Variants in SLC8A1 observed in about 807,000 individuals in gnomAD.
SLC8A1 encodes sodium/calcium exchanger 1.
Under a neutral mutation model 68.3 loss-of-function variants are expected in SLC8A1, and 18 were observed. That is an observed-to-expected ratio of 0.26 (90% CI 0.18 to 0.39). SLC8A1 has a LOEUF of 0.39. SLC8A1 is among the 10% of genes least tolerant of loss of function. SLC8A1 has a pLI of 1.00. For synonymous variants in SLC8A1, 475 were observed against 415.5 expected, an observed-to-expected ratio of 1.14 and a Z score of -1.74; for missense variants, 985 against 1,156.7, an observed-to-expected ratio of 0.85 and a Z score of 2.15.
Position 40,128,984 on chromosome 2 carries a change from T to A in SLC8A1, c.2437+10417A>T, listed in dbSNP as rs73927118. 3.3e-3 allele frequency among the ~76,000 whole-genome samples: 509 copies of A among 152,046 alleles called. 3 individuals carry two copies. The highest frequency in any genetic ancestry group is 0.011 in the African/African-American group (473 of 41,462). Reference sequence around the variant, plus strand: ...ATCAGTGGTTGCCTGGGGCAGAGGGTGGAGATGAGGATTATCTGTAAATGG... The same window carrying A: ...ATCAGTGGTTGCCTGGGGCAGAGGGAGGAGATGAGGATTATCTGTAAATGG... On this transcript the variant is annotated intron_variant, in intron 7 of 7. Coordinates refer to ENST00000406785, the Ensembl canonical transcript of SLC8A1.
chr2:40,332,718 G>T lies in SLC8A1; in HGVS notation c.1808+95755C>A, dbSNP rs564630702. On this transcript the variant is annotated intron_variant, in intron 2 of 7. Coordinates refer to ENST00000406785, the Ensembl canonical transcript of SLC8A1. ...TGTCAAACCTGTTTAAAAATCCTGT[G>T]AAGTGAGTTTATAATCCCTGACTAC... Among the ~76,000 whole-genome samples the T allele has an allele frequency of 5.9e-5, 9 of 152,320 alleles. No individual in the cohort carries two copies. The South Asian group carries it at 1.9e-3, about 32-fold the overall frequency.
intron 1 of SLC8A1, among the ~76,000 whole-genome samples, chr2:40,440,625 A>G (rs1700292396): frequency 6.6e-6 from 1 of 152,116 alleles, no homozygotes; most frequent in Non-Finnish European, 1.5e-5. Flanking sequence ...CATTTAAATT[A>G]CTACCCAAAA....
At chr2:40,180,360 T>G (rs75022670) in intron 2 of SLC8A1, among the ~76,000 whole-genome samples, 1,654 of 152,324 alleles carry the variant, frequency 0.011, 8 homozygotes, top group African/African-American at 0.017. Context: ...TATTTGATAA[T>G]TAGAACTGAA....
At chr2:40,373,266 T>C (rs928089947) in intron 2 of SLC8A1, among the ~76,000 whole-genome samples, 3 of 152,104 alleles carry the variant, frequency 2.0e-5, no homozygotes, top group African/African-American at 4.8e-5. Context: ...TTTACTAATA[T>C]ACAAAGCTGT....
At chr2:40,363,525 C>A (rs1171793889) in intron 2 of SLC8A1, among the ~76,000 whole-genome samples, 1 of 152,058 alleles carries the variant, frequency 6.6e-6, no homozygotes, top group South Asian at 2.1e-4. Flanking sequence ...TGATTAAAAA[C>A]AAAAGCTATC....
At chr2:40,447,686 T>C (rs2149857152) in intron 1 of SLC8A1, among the ~76,000 whole-genome samples, 1 of 152,286 alleles carries the variant, frequency 6.6e-6, no homozygotes, top group South Asian at 2.1e-4. Context: ...TTAGGGTCTA[T>C]TAGATAGAAT....
chr2:40,473,991 C>T lies in SLC8A1; in HGVS notation c.-25+38358G>A, dbSNP rs187869038. 4.6e-5 allele frequency among the ~76,000 whole-genome samples: 7 copies of T among 152,126 alleles called. No homozygotes were observed. In the East Asian group the frequency reaches 9.6e-4, roughly 21 times the overall value. ...TGCCAAAAATGTAACTTCCACAAATCGTAGTCATAGTGCAAATAGAAAAAT... is the reference window on the plus strand; with the variant it reads ...TGCCAAAAATGTAACTTCCACAAATTGTAGTCATAGTGCAAATAGAAAAAT... On this transcript the variant is annotated intron_variant, in intron 1 of 7. Coordinates refer to the SLC8A1 transcript ENST00000402441.
chr2:40,143,597 T>C (rs2041958525), intron 6 of SLC8A1, among the ~76,000 whole-genome samples: 1 of 152,172 alleles, frequency 6.6e-6, no homozygotes, highest in Admixed American at 6.6e-5. Flanking sequence ...ACACTGGACT[T>C]CTTAAATATA....
At chr2:40,306,626 C>A (rs953598325) in intron 2 of SLC8A1, among the ~76,000 whole-genome samples, 3 of 152,186 alleles carry the variant, frequency 2.0e-5, no homozygotes, top group Admixed American at 6.5e-5. Flanking sequence ...GAAAGTGTGA[C>A]ACTTGGTTCT....
rs1029649533 is a variant in SLC8A1 at position 40,294,638 on chromosome 2, A to G, written c.1809-116783T>C. On this transcript the variant is annotated intron_variant, in intron 2 of 7. Coordinates refer to ENST00000406785, the Ensembl canonical transcript of SLC8A1. ...CCAAGCGTAGTCACCTCTTGCTTAT[A>G]AGCAGATGCTTGAAGAGAACTTTCC... Among the ~76,000 whole-genome samples the G allele has an allele frequency of 3.3e-5, 5 of 152,324 alleles. 1 individual carries two copies. The highest frequency in any genetic ancestry group is 7.4e-5 in the Non-Finnish European group (5 of 68,024).
intron 2 of SLC8A1, among the ~76,000 whole-genome samples, chr2:40,344,650 GA>G (rs533504115): frequency 1.3e-5 from 2 of 152,130 alleles, no homozygotes; most frequent in Non-Finnish European, 1.5e-5. Flanking sequence ...TAAATGCTGT[GA>G]AAAAAAATTC....
chr2:40,333,454 GAAAAGAAAAAAA>G (rs1219811661), intron 2 of SLC8A1, among the ~76,000 whole-genome samples: 18 of 117,172 alleles, frequency 1.5e-4, no homozygotes, highest in Non-Finnish European at 2.3e-4. Context: ...AAAAAAAAAA[GAAAAGAAAAAAA>G]AAAAGAAAAA....
intron 1 of SLC8A1, among the ~76,000 whole-genome samples, chr2:40,438,214 G>A (rs745556069): frequency 1.3e-5 from 2 of 152,036 alleles, no homozygotes; most frequent in African/African-American, 4.8e-5. Context: ...CATAATAATT[G>A]TTCACCACTA....
At chr2:40,403,883 T>A (rs1417210423) in intron 2 of SLC8A1, among the ~76,000 whole-genome samples, 3 of 152,210 alleles carry the variant, frequency 2.0e-5, no homozygotes, top group Non-Finnish European at 1.5e-5. Flanking sequence ...CAGTGCCATA[T>A]GTACCCTAAA....
exon 8 of SLC8A1, chr2:40,113,218 G>C (rs1306223741): frequency 1.3e-5 from 2 of 152,400 alleles, no homozygotes; most frequent in African/African-American, 4.8e-5. Context: ...TGGTTACTGA[G>C]TGACAGAAGA....
chr2:40,268,443 G>A (rs2065629729), intron 2 of SLC8A1, among the ~76,000 whole-genome samples: 1 of 152,138 alleles, frequency 6.6e-6, no homozygotes. Context: ...GGAGCCAGAA[G>A]GTCTACAAAT....
intron 2 of SLC8A1, among the ~76,000 whole-genome samples, chr2:40,361,728 G>T (rs1674682740): frequency 6.6e-6 from 1 of 151,782 alleles, no homozygotes; most frequent in Non-Finnish European, 1.5e-5. Context: ...TGCCCTATAT[G>T]GTAAGTGGCC....
chr2:40,431,143 C>A (rs1444188134), intron 1 of SLC8A1, among the ~76,000 whole-genome samples: 1 of 152,038 alleles, frequency 6.6e-6, no homozygotes, highest in African/African-American at 2.4e-5. Flanking sequence ...GTGTACAGAG[C>A]CTGTTTTTCT....
intron 6 of SLC8A1, among the ~76,000 whole-genome samples, chr2:40,151,315 C>T (rs2043381265): frequency 6.6e-6 from 1 of 151,928 alleles, no homozygotes; most frequent in Admixed American, 6.6e-5. Context: ...TTTTCTAGAT[C>T]AGACACAGTA....
Sources: gnomAD v4.1 joint callset for allele counts (sites outside exome capture counted in the v4.1 genomes callset) on GRCh38, gnomAD v4.1.1 for gene constraint, MANE v1.5 for transcripts, NCBI Gene and HGNC (gene_info 2026-07-23, HGNC 2026-07-21) for gene names.